TGFBR3: variants seen among roughly 807,000 people sequenced by gnomAD.
TGFBR3 encodes the protein transforming growth factor beta receptor type 3.
Under a neutral mutation model 87.9 loss-of-function variants are expected in TGFBR3, and 46 were observed. The ratio of observed to expected loss-of-function variants is 0.52; its 90% CI spans 0.41 to 0.67. TGFBR3 has a LOEUF of 0.67. Ranked by LOEUF, TGFBR3 falls within the 30% of genes least tolerant of loss-of-function variation. The pLI is 0.00. For missense variants in TGFBR3, 866 were observed against 1,041.9 expected (o/e 0.83, Z 2.32); for synonymous variants, 381 against 391.6 (o/e 0.97, Z 0.32).
At chr1:91,719,147 G>A (rs1041242553) in intron 10 of TGFBR3, among the ~76,000 whole-genome samples, 165 bp downstream of exon 10, 1 of 152,116 alleles carries the variant, frequency 6.6e-6, no homozygotes, top group African/African-American at 2.4e-5. Context: ...AAACCAAAGA[G>A]CTCAGGGTCA....
At position 91,680,484 on chromosome 1, in the gene TGFBR3, G is replaced by T. The variant is rs1310426544; in HGVS notation, c.*3255C>A. 2.2e-6 allele frequency: 1 copy of T among 453,840 alleles called. No homozygotes were observed. Among genetic ancestry groups the T allele is most frequent in the Non-Finnish European group, 4.4e-6 (1 of 226,782 alleles). The allele number at this position is 453,840 out of a possible 1,614,324, so 28.1% of individuals were successfully genotyped here. A position where few individuals can be genotyped will look rare whatever the true frequency, so the allele number is the denominator to read the frequency against. On this transcript the variant is annotated 3_prime_UTR_variant, in exon 17 of 17. Coordinates refer to ENST00000212355, the MANE Select transcript of TGFBR3 (RefSeq NM_003243.5). ...GAATACAACAGGGGTGTTCAAACTGGCCACAGGGATTTTAAGGGTACTCGT... is the reference window on the plus strand; with the variant it reads ...GAATACAACAGGGGTGTTCAAACTGTCCACAGGGATTTTAAGGGTACTCGT...
At chr1:91,855,717 A>T (rs1228898876) in intron 2 of TGFBR3, among the ~76,000 whole-genome samples, 3 of 152,210 alleles carry the variant, frequency 2.0e-5, no homozygotes, top group Non-Finnish European at 4.4e-5. Context: ...GTTATAACAC[A>T]AGTATAGACG....
At chr1:91,724,259 A>G (rs1169068406) in intron 7 of TGFBR3, among the ~76,000 whole-genome samples, 1 of 152,232 alleles carries the variant, frequency 6.6e-6, no homozygotes, top group Non-Finnish European at 1.5e-5. Context: ...GGAAGGAAAG[A>G]GCTAAAATGA....
Position 91,785,768 on chromosome 1 carries a change from CT to C in TGFBR3, c.246+11518del, listed in dbSNP as rs774046968. ...ACACACCCTTTGTTGGGCTTCTGTA[CT>C]TTTTTTTTTTTTTTTTTAGACAGCG... is the stretch of plus-strand genomic sequence containing the variant. On this transcript the variant is annotated intron_variant, in intron 3 of 16. Coordinates refer to ENST00000212355, the MANE Select transcript of TGFBR3 (RefSeq NM_003243.5). Among the ~76,000 whole-genome samples, 567 of 137,074 alleles carry C rather than the reference CT, an allele frequency of 4.1e-3. 4 individuals are homozygous for C. The highest frequency in any genetic ancestry group is 0.016 in the East Asian group (77 of 4,752). 89.9% of individuals were successfully genotyped at this position (137,074 alleles called of 152,430 possible).
intron 2 of TGFBR3, among the ~76,000 whole-genome samples, chr1:91,846,591 AT>A (rs5776123): frequency 0.32 from 48,829 of 151,666 alleles, 8,018 homozygotes; most frequent in Non-Finnish European, 0.36. Flanking sequence ...CCCTGAAGAC[AT>A]TTTTTTTCTT....
chr1:91,824,429 A>C (rs944526579), intron 2 of TGFBR3, among the ~76,000 whole-genome samples: 1 of 152,208 alleles, frequency 6.6e-6, no homozygotes, highest in Non-Finnish European at 1.5e-5. Flanking sequence ...AAGATGTGAA[A>C]ACAGATGAGG....
chr1:91,763,105 G>A (rs1674033922), intron 3 of TGFBR3, among the ~76,000 whole-genome samples: 1 of 152,148 alleles, frequency 6.6e-6, no homozygotes, highest in African/African-American at 2.4e-5. Context: ...TTATGAAAAT[G>A]AATTACAGGA....
intron 6 of TGFBR3, 88 bp from the exon 7 acceptor site, chr1:91,727,894 T>C (rs1195663997): frequency 2.6e-6 from 4 of 1,513,448 alleles, no homozygotes; most frequent in East Asian, 2.3e-5. Flanking sequence ...ATGTTTCTAG[T>C]GTCTGGCCAG....
At chr1:91,827,143 G>A (rs1251020640) in intron 2 of TGFBR3, among the ~76,000 whole-genome samples, 1 of 152,136 alleles carries the variant, frequency 6.6e-6, no homozygotes, top group Non-Finnish European at 1.5e-5. Flanking sequence ...GGACTTCTAG[G>A]GAAGGTAAGC....
At chr1:91,771,715 A>G (rs992514471) in intron 3 of TGFBR3, among the ~76,000 whole-genome samples, 10 of 151,812 alleles carry the variant, frequency 6.6e-5, no homozygotes, top group South Asian at 2.1e-4. Context: ...CAAAAAAAAA[A>G]AAAAAAAAGG....
intron 2 of TGFBR3, among the ~76,000 whole-genome samples, chr1:91,811,124 A>G (rs1676016578): frequency 1.3e-5 from 2 of 152,178 alleles, no homozygotes; most frequent in Non-Finnish European, 2.9e-5. Context: ...CAGCCTGGGC[A>G]AGAGAGTGAG....
At chr1:91,892,205 A>G (rs1486788547) in intron 2 of TGFBR3, among the ~76,000 whole-genome samples, 1 of 152,076 alleles carries the variant, frequency 6.6e-6, no homozygotes, top group Non-Finnish European at 1.5e-5. Context: ...ACCTCACACC[A>G]TTTCAAAGTG....
chr1:91,681,530 T>C lies in TGFBR3; in HGVS notation c.*2209A>G. Reference sequence around the variant, plus strand: ...TATTTAAATATATTACAGAAGGTTTTAACCCTGTCCTTCTAAGACATCAAT... The same window carrying C: ...TATTTAAATATATTACAGAAGGTTTCAACCCTGTCCTTCTAAGACATCAAT... On this transcript the variant is annotated 3_prime_UTR_variant, in exon 17 of 17. Coordinates refer to ENST00000212355, the MANE Select transcript of TGFBR3 (RefSeq NM_003243.5). 8.2e-6 allele frequency: 3 copies of C among 363,958 alleles called. No individual in the cohort carries two copies. The highest frequency in any genetic ancestry group is 6.8e-5 in the South Asian group (3 of 44,390). 22.5% of individuals were successfully genotyped at this position (363,958 alleles called of 1,614,324 possible).
At chr1:91,886,288 A>G (rs1199551302), upstream of TGFBR3, 4 of 411,954 alleles carry the variant, frequency 9.7e-6, no homozygotes, top group Non-Finnish European at 1.5e-5. Flanking sequence ...TCGGCCGCCC[A>G]GAAACTCCTC....
intron 12 of TGFBR3, among the ~76,000 whole-genome samples, chr1:91,713,191 C>A (rs913027645): frequency 6.6e-6 from 1 of 152,194 alleles, no homozygotes; most frequent in African/African-American, 2.4e-5. Flanking sequence ...AAGTACTCCC[C>A]CTTCGCTCCA....
rs534984244 is a variant in TGFBR3 at position 91,902,271 on chromosome 1, T to TTTTTTTG, written c.-174-2575_-174-2574insCAAAAAA. ...GACGTGCAGTTTCTTTCCTTTTCTTTTGTGTGTGTGTGTGTGTGTGTGTGT... is the reference window on the plus strand; with the variant it reads ...GACGTGCAGTTTCTTTCCTTTTCTTTTTTTTTGTGTGTGTGTGTGTGTGTGTGTGTGT... On this transcript the variant is annotated intron_variant, in intron 1 of 17. Transcript: ENST00000370399. Among the ~76,000 whole-genome samples, 1,340 of 148,326 alleles carry TTTTTTTG rather than the reference T, an allele frequency of 9.0e-3. 12 individuals are homozygous for TTTTTTTG. Among genetic ancestry groups the TTTTTTTG allele is most frequent in the South Asian group, 0.035 (164 of 4,646 alleles).
At chr1:91,890,191 C>A (rs1485118865), upstream of TGFBR3, among the ~76,000 whole-genome samples, 1 of 151,940 alleles carries the variant, frequency 6.6e-6, no homozygotes, top group African/African-American at 2.4e-5. Flanking sequence ...AAAATGTTTG[C>A]CAGCAGAGTT....
intron 2 of TGFBR3, among the ~76,000 whole-genome samples, chr1:91,818,334 G>T (rs544915983): frequency 3.1e-5 from 4 of 128,494 alleles, no homozygotes; most frequent in Admixed American, 9.2e-5. Flanking sequence ...GAAAGTTTAG[G>T]ACAGCAGAAA....
intron 12 of TGFBR3, among the ~76,000 whole-genome samples, chr1:91,713,371 C>T (rs1251024407): frequency 6.6e-6 from 1 of 152,226 alleles, no homozygotes; most frequent in Non-Finnish European, 1.5e-5. Flanking sequence ...CAAACCTCAA[C>T]TATCCTGAAC....
Sources: gnomAD v4.1 joint callset for allele counts (sites outside exome capture counted in the v4.1 genomes callset) on GRCh38, gnomAD v4.1.1 for gene constraint, MANE v1.5 for transcripts, NCBI Gene and HGNC (gene_info 2026-07-23, HGNC 2026-07-21) for gene names.